Variants in CENPM observed in about 807,000 individuals in gnomAD.
CENPM encodes interphase centromere complex protein 39.
Under a neutral mutation model 19.6 loss-of-function variants are expected in CENPM, and 14 were observed. The ratio of observed to expected loss-of-function variants is 0.71; its 90% confidence interval spans 0.47 to 1.11. CENPM has a LOEUF of 1.11. CENPM is among the 50% of genes most tolerant of loss of function. CENPM has a pLI of 0.00. For synonymous variants in CENPM, 114 were observed against 101.5 expected (o/e 1.12, Z -0.74); for missense variants, 239 against 228.4 (o/e 1.05, Z -0.30).
At position 41,938,939 on chromosome 22, in the gene CENPM, C is replaced by T. The variant is rs2077698699; in HGVS notation, c.*117G>A. ...AGCACTGGCACTGCAGGGAACCTTC[C>T]CAGCCACGGCGGGCTGAGCCTGGGC... On this transcript the variant is annotated 3_prime_UTR_variant, in exon 6 of 6. Transcript: ENST00000215980. The T allele has an allele frequency of 7.2e-7, 1 of 1,390,790 alleles. No homozygotes were observed. The highest frequency in any genetic ancestry group is 9.8e-7 in the Non-Finnish European group (1 of 1,020,032). The allele number at this position is 1,390,790 out of a possible 1,614,324, so 86.2% of individuals were successfully genotyped here. A position where few individuals can be genotyped will look rare whatever the true frequency, so the allele number is the denominator to read the frequency against.
Position 41,943,727 on chromosome 22 carries a change from G to A in CENPM, c.311-26C>T, listed in dbSNP as rs1302197869. On this transcript the variant is annotated intron_variant, in intron 4 of 5. Transcript: ENST00000215980. The stretch of plus-strand genomic sequence containing the variant: ...CTGGAAAGAAGCCATGAGTGCTATA[G>A]CTGCAATCTCTACCTTCCTGGCTGG... 3 of 1,598,558 alleles carry A rather than the reference G, an allele frequency of 1.9e-6. No homozygotes were observed. The Admixed American group carries it at 5.0e-5, about 27-fold the overall frequency.
At chr22:41,935,391 A>G (rs181276276), downstream of CENPM, among the ~76,000 whole-genome samples, 65 of 152,136 alleles carry the variant, frequency 4.3e-4, no homozygotes, top group Admixed American at 9.8e-4. Flanking sequence ...TTGGACACCC[A>G]TTCCATCAGC....
chr22:41,931,134 C>T, the CENPM span, among the ~76,000 whole-genome samples: 1 of 151,780 alleles, frequency 6.6e-6, no homozygotes, highest in African/African-American at 2.4e-5. Context: ...CTGCACCCGG[C>T]CACCATGCTC....
chr22:41,930,266 G>C, the CENPM span, among the ~76,000 whole-genome samples: 1 of 150,956 alleles, frequency 6.6e-6, no homozygotes, highest in Non-Finnish European at 1.5e-5. Context: ...GTCTGGCTCT[G>C]TCACCCAGGC....
At chr22:41,942,807 T>C (rs926339516) in intron 5 of CENPM, among the ~76,000 whole-genome samples, 5 of 150,948 alleles carry the variant, frequency 3.3e-5, no homozygotes, top group African/African-American at 7.3e-5. Flanking sequence ...CGGTGGTGCA[T>C]GCTTGTAGTC....
chr22:41,937,883 G>A (rs1008012269), downstream of CENPM, among the ~76,000 whole-genome samples: 7 of 151,744 alleles, frequency 4.6e-5, no homozygotes, highest in African/African-American at 1.7e-4. Context: ...TCGCTCTGTC[G>A]CCCAGGCTGG....
In CENPM at chr22:41,943,605, C is replaced by T; in HGVS notation, c.402+5G>A. On this transcript the variant is annotated splice_donor_5th_base_variant and intron_variant, in intron 5 of 5. Coordinates refer to ENST00000215980, the MANE Select transcript of CENPM (RefSeq NM_024053.5). ...AGTGTTGGTCTCTGTGATCAGCATG[C>T]TCACCTCCAGGTCACAGTAGAGCAG... 1 of 1,611,718 alleles carries T rather than the reference C, an allele frequency of 6.2e-7. No individual in the cohort carries two copies. Among genetic ancestry groups the T allele is most frequent in the Non-Finnish European group, 8.5e-7 (1 of 1,178,480 alleles).
At chr22:41,946,048 C>G (rs960583480) in intron 2 of CENPM, 43 bp from the exon 3 acceptor site, 2 of 1,520,586 alleles carry the variant, frequency 1.3e-6, no homozygotes, top group Admixed American at 3.5e-5. Flanking sequence ...TCCGTACCCC[C>G]CTCATAGCGA....
At chr22:41,940,343 G>A (rs546303169) in intron 5 of CENPM, 15 of 575,828 alleles carry the variant, frequency 2.6e-5, no homozygotes, top group African/African-American at 9.6e-5. Flanking sequence ...TTTCCAGCAC[G>A]TCATTTACCC....
chr22:41,946,720 T>C, intron 1 of CENPM: 1 of 592,318 alleles, frequency 1.7e-6, no homozygotes. Context: ...CGACCCTCGC[T>C]CCCACCGCCG....
the CENPM span, among the ~76,000 whole-genome samples, chr22:41,931,612 A>G: frequency 6.6e-6 from 1 of 152,242 alleles, no homozygotes; most frequent in Admixed American, 6.5e-5. Flanking sequence ...TACTATTAGG[A>G]CATTTTCCAG....
Position 41,947,049 on chromosome 22 carries a change from G to C in CENPM, c.28C>G (p.Leu10Val). 1 of 1,612,948 alleles carries C rather than the reference G, an allele frequency of 6.2e-7. No homozygotes were observed. The highest frequency in any genetic ancestry group is 8.5e-7 in the Non-Finnish European group (1 of 1,179,952). MSVLRPLDK[L>V]PGLNTATILL... ...ATGGTGGCCGTGTTCAGGCCGGGCAGCTTGTCCAGGGGCCTCAACACCGAC... is the reference window on the plus strand; with the variant it reads ...ATGGTGGCCGTGTTCAGGCCGGGCACCTTGTCCAGGGGCCTCAACACCGAC... The change falls in exon 1 of 6, where the codon CTG becomes GTG. Residue 10 changes from leucine to valine, a missense_variant. Physicochemically the swap from Leu to Val is conservative, Grantham distance 32. Coordinates refer to ENST00000215980, the MANE Select transcript of CENPM (RefSeq NM_024053.5).
the CENPM span, among the ~76,000 whole-genome samples, chr22:41,931,525 T>G: frequency 6.6e-6 from 1 of 151,938 alleles, no homozygotes; most frequent in Non-Finnish European, 1.5e-5. Flanking sequence ...GTTTGGGGTC[T>G]TCAGAGAGAA....
rs2077713167 is a variant in CENPM, at chr22:41,939,822, G to GAAAGAAAAAGAAAGAA, written c.403-627_403-626insTTCTTTCTTTTTCTTT. 1.5e-3 allele frequency among the ~76,000 whole-genome samples: 88 copies of GAAAGAAAAAGAAAGAA among 57,434 alleles called. 12 individuals are homozygous for GAAAGAAAAAGAAAGAA. The highest frequency in any genetic ancestry group is 6.8e-3 in the African/African-American group (88 of 12,990). 37.7% of individuals were successfully genotyped at this position (57,434 alleles called of 152,430 possible). A position where few individuals can be genotyped will look rare whatever the true frequency, so the allele number is the denominator to read the frequency against. On this transcript the variant is annotated intron_variant, in intron 5 of 5. Transcript: ENST00000215980. The stretch of plus-strand genomic sequence containing the variant: ...AAAAAGAAAGAAAAAGAAAGAAAAA[G>GAAAGAAAAAGAAAGAA]AAAGAAAGAAAGAAAGAAAAAGAAA...
the CENPM span, among the ~76,000 whole-genome samples, chr22:41,929,040 T>G: frequency 7.4e-6 from 1 of 135,118 alleles, no homozygotes; most frequent in Non-Finnish European, 1.6e-5. Context: ...CAGGAAGGTG[T>G]GGGCGGAGGG....
intron 5 of CENPM, chr22:41,939,995 A>AGTCAG (rs1365896595): frequency 1.4e-5 from 8 of 590,068 alleles, no homozygotes; most frequent in Non-Finnish European, 2.2e-5. Flanking sequence ...TTAAAACCCA[A>AGTCAG]GTCAGGCCAC....
chr22:41,939,969 A>G (rs1222246672), intron 5 of CENPM, among the ~76,000 whole-genome samples: 1 of 151,794 alleles, frequency 6.6e-6, no homozygotes. Flanking sequence ...TCCTCCCGGC[A>G]GCCAGAGGGG....
chr22:41,928,152 G>T, the CENPM span: 1 of 427,994 alleles, frequency 2.3e-6, no homozygotes, highest in South Asian at 1.8e-5. This position sits in a 1 kb window ranked among gnomAD's most constrained non-coding sequence, Gnocchi z 4.0. Flanking sequence ...CTTTGTGCAG[G>T]GAGGACCCAG....
At chr22:41,930,984 G>A in the CENPM span, among the ~76,000 whole-genome samples, 21 of 151,578 alleles carry the variant, frequency 1.4e-4, no homozygotes, top group South Asian at 2.3e-3. Context: ...TAACAGGCAC[G>A]TGCCACCATG....
Sources: gnomAD v4.1 joint callset for allele counts (sites outside exome capture counted in the v4.1 genomes callset) on GRCh38, gnomAD v4.1.1 for gene constraint, Gnocchi (gnomAD v3.1) non-coding constraint, MANE v1.5 for transcripts, NCBI Gene and HGNC (gene_info 2026-07-23, HGNC 2026-07-21) for gene names.